NUBPL: variants seen among roughly 807,000 people sequenced by gnomAD.
NUBPL encodes the protein iron-sulfur cluster transfer protein NUBPL.
NUBPL carries 31 observed loss-of-function variants against 45.7 expected under a neutral mutation model. The ratio of observed to expected loss-of-function variants is 0.68; its 90% confidence interval spans 0.51 to 0.92. The LOEUF is 0.92. Among genes scored for constraint, NUBPL ranks in the 40% least tolerant of loss-of-function variants. The probability of loss-of-function intolerance (pLI) is 0.00; values close to 1 mark genes in which losing one functional copy is unlikely to be tolerated. For synonymous variants in NUBPL, 144 were observed against 140.9 expected (o/e 1.02, Z -0.15); for missense variants, 401 against 398.7 (o/e 1.01, Z -0.05).
chr14:31,754,586 GTTTTCTT>G (rs1293055944), intron 6 of NUBPL, among the ~76,000 whole-genome samples: 46 of 104,738 alleles, frequency 4.4e-4, no homozygotes, highest in African/African-American at 2.0e-3. Context: ...TGTCAAGAGG[GTTTTCTT>G]TTTTTTTTTT....
At chr14:31,758,524 G>T (rs918462215) in intron 6 of NUBPL, among the ~76,000 whole-genome samples, 1 of 152,008 alleles carries the variant, frequency 6.6e-6, no homozygotes, top group African/African-American at 2.4e-5. Context: ...GTCATGTCTT[G>T]TTTAAGGCTG....
intron 4 of NUBPL, among the ~76,000 whole-genome samples, chr14:31,653,007 C>T (rs1490606300): frequency 2.0e-5 from 3 of 152,112 alleles, no homozygotes; most frequent in Non-Finnish European, 4.4e-5. Context: ...GCAAAACCAG[C>T]AGGTTTTTAT....
At chr14:31,593,513 C>CAAAA (rs34026301) in intron 3 of NUBPL, among the ~76,000 whole-genome samples, 27 of 75,110 alleles carry the variant, frequency 3.6e-4, no homozygotes, top group South Asian at 1.7e-3. Context: ...GCTTCCGTCT[C>CAAAA]AAAAAAAAAA....
At chr14:31,715,862 A>C (rs900091223) in intron 6 of NUBPL, among the ~76,000 whole-genome samples, 1 of 152,348 alleles carries the variant, frequency 6.6e-6, no homozygotes, top group African/African-American at 2.4e-5. Flanking sequence ...TAACTTTATT[A>C]CTTCATAAAC....
chr14:31,761,238 G>A (rs1384274551), intron 6 of NUBPL, among the ~76,000 whole-genome samples: 2 of 151,978 alleles, frequency 1.3e-5, no homozygotes, highest in Non-Finnish European at 2.9e-5. Context: ...GAGTGCAGTG[G>A]CACAATCATA....
chr14:31,801,463 G>C (rs373227260), intron 7 of NUBPL, among the ~76,000 whole-genome samples: 8 of 152,152 alleles, frequency 5.3e-5, no homozygotes, highest in African/African-American at 1.9e-4. Flanking sequence ...AAAGAGGACA[G>C]AATTTCTGCC....
chr14:31,651,262 A>C (rs2035996702), intron 4 of NUBPL, among the ~76,000 whole-genome samples: 1 of 152,118 alleles, frequency 6.6e-6, no homozygotes, highest in Non-Finnish European at 1.5e-5. Context: ...CCAACTGAGT[A>C]GCTGGGATTA....
At chr14:31,633,807 C>T (rs189008260) in intron 4 of NUBPL, among the ~76,000 whole-genome samples, 153 of 152,272 alleles carry the variant, frequency 1.0e-3, no homozygotes, top group African/African-American at 3.3e-3. Context: ...TTGATAACCT[C>T]TGAAATATTT....
At chr14:31,841,838 T>C (rs2040372988) in intron 8 of NUBPL, among the ~76,000 whole-genome samples, 1 of 150,850 alleles carries the variant, frequency 6.6e-6, no homozygotes, top group South Asian at 2.1e-4. Context: ...TTATTTTATA[T>C]ATGGATATCC....
chr14:31,649,903 A>G (rs1468280797), intron 4 of NUBPL, among the ~76,000 whole-genome samples: 3 of 152,170 alleles, frequency 2.0e-5, no homozygotes, highest in Non-Finnish European at 2.9e-5. Context: ...CTTGTTGCCC[A>G]GGCTGGATTG....
At chr14:31,846,002 A>G (rs1312838563) in intron 8 of NUBPL, 1 of 202,050 alleles carries the variant, frequency 4.9e-6, no homozygotes, top group East Asian at 1.3e-4. Flanking sequence ...GATGGTATTC[A>G]GCATCTTCCC....
At chr14:31,603,659 G>GTA (rs1342733076) in intron 4 of NUBPL, among the ~76,000 whole-genome samples, 3 of 152,178 alleles carry the variant, frequency 2.0e-5, no homozygotes, top group Non-Finnish European at 4.4e-5. Context: ...TTATGAGACA[G>GTA]TAAAGATTCT....
intron 7 of NUBPL, among the ~76,000 whole-genome samples, chr14:31,820,400 G>A (rs897253522): frequency 5.3e-5 from 8 of 151,876 alleles, no homozygotes; most frequent in African/African-American, 1.9e-4. Flanking sequence ...CATGTTTCTG[G>A]GAAAAATTTA....
chr14:31,609,876 A>G (rs956446520), intron 4 of NUBPL, among the ~76,000 whole-genome samples: 1 of 152,176 alleles, frequency 6.6e-6, no homozygotes, highest in Non-Finnish European at 1.5e-5. Flanking sequence ...AAAAAATGAT[A>G]ATGGAGATAT....
At chr14:31,595,714 A>G (rs189203195) in intron 3 of NUBPL, among the ~76,000 whole-genome samples, 2 of 152,324 alleles carry the variant, frequency 1.3e-5, no homozygotes, top group East Asian at 1.9e-4. Context: ...TTTAAAAATA[A>G]CGGAGTCAAT....
intron 10 of NUBPL, among the ~76,000 whole-genome samples, chr14:31,852,390 A>C (rs1220646055): frequency 6.6e-6 from 1 of 152,208 alleles, no homozygotes; most frequent in African/African-American, 2.4e-5. Context: ...AAATCAAAGT[A>C]GGCCCGGCAC....
intron 6 of NUBPL, among the ~76,000 whole-genome samples, chr14:31,678,182 A>AGACTC (rs2036746518): frequency 6.6e-6 from 1 of 152,050 alleles, no homozygotes; most frequent in Non-Finnish European, 1.5e-5. Context: ...GTCAGGCCTG[A>AGACTC]GACTCACTCT....
chr14:31,668,963 C>T (rs1039858458), intron 4 of NUBPL, among the ~76,000 whole-genome samples: 6 of 152,180 alleles, frequency 3.9e-5, no homozygotes, highest in Admixed American at 6.5e-5. Flanking sequence ...CTGGGAGCTG[C>T]AGACCAGAAC....
At chr14:31,752,517 G>A (rs1329256997) in intron 6 of NUBPL, among the ~76,000 whole-genome samples, 2 of 152,176 alleles carry the variant, frequency 1.3e-5, no homozygotes, top group African/African-American at 2.4e-5. Context: ...TTCCCAAGAA[G>A]TTCCTCATCT....
Sources: allele counts gnomAD v4.1 joint callset (sites outside exome capture counted in the v4.1 genomes callset), GRCh38; gene constraint gnomAD v4.1.1; transcripts MANE v1.5; gene names NCBI Gene and HGNC (gene_info 2026-07-23, HGNC 2026-07-21).